The following DPM3 variants were observed in gnomAD, a reference collection of about 807,000 sequenced individuals.
The protein encoded by DPM3 is dolichyl-phosphate mannosyltransferase subunit 3, regulatory.
Under a neutral mutation model 8.9 loss-of-function variants are expected in DPM3, and 7 were observed. The ratio of observed to expected loss-of-function variants is 0.79; its 90% confidence interval spans 0.45 to 1.48. The LOEUF (loss-of-function observed/expected upper bound fraction) is 1.48. Ranked by LOEUF, DPM3 falls within the 40% of genes most tolerant of loss-of-function variation. The pLI, the probability that DPM3 is intolerant of heterozygous loss-of-function variation, is 0.01. For synonymous variants in DPM3, 41 were observed against 56.3 expected (o/e 0.73, Z 1.22); for missense variants, 108 against 116.2 (o/e 0.93, Z 0.33).
At position 155,140,129 on chromosome 1, in the gene DPM3, G is replaced by T. The variant is rs368529799; in HGVS notation, c.112C>A (p.Leu38Met). Reference protein sequence around the residue: ...LELPLSCQEVLWPLPAYLLVS... With the variant: ...LELPLSCQEVMWPLPAYLLVS... ...AGCAAGTAGGCGGGCAGTGGCCACAGGACTTCCTGGCAGGACAAGGGCAGC... is the reference window on the plus strand; with the variant it reads ...AGCAAGTAGGCGGGCAGTGGCCACATGACTTCCTGGCAGGACAAGGGCAGC... The change falls in exon 2 of 2, where the codon CTG (leucine) becomes ATG (methionine). Residue 38 changes from leucine to methionine, a missense_variant. Coordinates refer to ENST00000368400, the MANE Select transcript of DPM3 (RefSeq NM_153741.2). The T allele has an allele frequency of 6.2e-7, 1 of 1,614,154 alleles. No homozygotes were observed. The highest frequency in any genetic ancestry group is 8.5e-7 in the Non-Finnish European group (1 of 1,180,040).
In DPM3 at chr1:155,140,483, A is replaced by G; in HGVS notation, c.-6+8T>C. The G allele has an allele frequency of 4.4e-6, 3 of 684,976 alleles. No individual in the cohort carries two copies. Among genetic ancestry groups the G allele is most frequent in the Non-Finnish European group, 8.1e-6 (3 of 368,986 alleles). 42.4% of individuals were successfully genotyped at this position (684,976 alleles called of 1,614,324 possible). A position where few individuals can be genotyped will look rare whatever the true frequency, so the allele number is the denominator to read the frequency against. ...GCCCTCCCCATTCAGCCTTCAACCT[A>G]CACTTACCTCTACCCCACGTCTCCC... On this transcript the variant is annotated splice_region_variant and intron_variant, in intron 1 of 1. Coordinates refer to ENST00000368400, the MANE Select transcript of DPM3 (RefSeq NM_153741.2).
Position 155,140,516 on chromosome 1 carries a change from G to T in DPM3, c.-31C>A, listed in dbSNP as rs990135103. The T allele has an allele frequency of 1.8e-5, 11 of 627,292 alleles. No homozygotes were observed. Among genetic ancestry groups the T allele is most frequent in the Non-Finnish European group, 2.9e-5 (10 of 342,426 alleles). The allele number at this position is 627,292 out of a possible 1,614,324, so 38.9% of individuals were successfully genotyped here. A position where few individuals can be genotyped will look rare whatever the true frequency, so the allele number is the denominator to read the frequency against. ...CTCTACCCCACGTCTCCCCTTCCCC[G>T]CGCGGCCCGGATGTTGGCGTCCGGA... is the stretch of plus-strand genomic sequence containing the variant. On this transcript the variant is annotated 5_prime_UTR_variant, in exon 1 of 2. Transcript: ENST00000368400.
Position 155,140,119 on chromosome 1 carries a change from A to G in DPM3, c.122T>C (p.Leu41Pro). ...PLSCQEVLWP[L>P]PAYLLVSAGC... ...GGCGGACACCAGCAAGTAGGCGGGC[A>G]GTGGCCACAGGACTTCCTGGCAGGA... The change falls in exon 2 of 2, where the codon CTG becomes CCG. Residue 41 changes from leucine to proline, a missense_variant. Transcript: ENST00000368400. The G allele has an allele frequency of 6.2e-7, 1 of 1,614,174 alleles. No individual in the cohort carries two copies. Among genetic ancestry groups the G allele is most frequent in the Non-Finnish European group, 8.5e-7 (1 of 1,180,048 alleles).
rs1664697827 is a variant in DPM3 at position 155,140,050 on chromosome 1, A to G, written c.191T>C (p.Phe64Ser). Residue 64 changes from phenylalanine (F) to serine (S), a missense_variant, in exon 2 of 2, where the codon TTT becomes TCT. By Grantham distance (155) the Phe-to-Ser change is radical. Coordinates refer to ENST00000368400, the MANE Select transcript of DPM3 (RefSeq NM_153741.2). ...GCGTGCGGCGTCCTCGCAGTCATGA[A>G]AAGTGGCCACACGATAGCCCACAGT... Reference protein sequence around the residue: ...LGTVGYRVATFHDCEDAAREL... With the variant: ...LGTVGYRVATSHDCEDAAREL... 3.7e-6 allele frequency: 6 copies of G among 1,614,092 alleles called. No individual in the cohort carries two copies. Among genetic ancestry groups the G allele is most frequent in the Non-Finnish European group, 4.2e-6 (5 of 1,180,036 alleles).
chr1:155,140,153 G>C lies in DPM3; in HGVS notation c.88C>G (p.Leu30Val). ...AGGACTTCCTGGCAGGACAAGGGCA[G>C]CTCCAGGCCCAAGGCTCCCGTGGTC... Reference protein sequence around the residue: ...ALTTGALGLELPLSCQEVLWP... With the variant: ...ALTTGALGLEVPLSCQEVLWP... Residue 30 changes from leucine to valine, a missense_variant, in exon 2 of 2, where the codon CTG (leucine) becomes GTG (valine). Leu to Val is a conservative substitution (Grantham distance 32). Coordinates refer to ENST00000368400, the MANE Select transcript of DPM3 (RefSeq NM_153741.2). 6 of 1,614,172 alleles carry C rather than the reference G, an allele frequency of 3.7e-6. No homozygotes were observed. The highest frequency in any genetic ancestry group is 5.1e-6 in the Non-Finnish European group (6 of 1,180,036).
chr1:155,140,515 C>T lies in DPM3; in HGVS notation c.-30G>A. On this transcript the variant is annotated 5_prime_UTR_variant, in exon 1 of 2. Transcript: ENST00000368400. ...CCTCTACCCCACGTCTCCCCTTCCC[C>T]GCGCGGCCCGGATGTTGGCGTCCGG... 3.2e-6 allele frequency: 2 copies of T among 628,762 alleles called. No homozygotes were observed. The highest frequency in any genetic ancestry group is 1.8e-5 in the South Asian group (1 of 55,884). 38.9% of individuals were successfully genotyped at this position (628,762 alleles called of 1,614,324 possible). A position where few individuals can be genotyped will look rare whatever the true frequency, so the allele number is the denominator to read the frequency against.
rs922185869 is a variant in DPM3, at chr1:155,140,502, G to A, written c.-17C>T. ...CAACCTACACTTACCTCTACCCCAC[G>A]TCTCCCCTTCCCCGCGCGGCCCGGA... On this transcript the variant is annotated 5_prime_UTR_variant, in exon 1 of 2. In the 5' UTR this introduces an upstream ATG that the reference lacks. Coordinates refer to ENST00000368400, the MANE Select transcript of DPM3 (RefSeq NM_153741.2). 1.5e-6 allele frequency: 1 copy of A among 649,788 alleles called. No individual in the cohort carries two copies. The highest frequency in any genetic ancestry group is 2.8e-6 in the Non-Finnish European group (1 of 352,734). The allele number at this position is 649,788 out of a possible 1,614,324, so 40.3% of individuals were successfully genotyped here. A position where few individuals can be genotyped will look rare whatever the true frequency, so the allele number is the denominator to read the frequency against.
intron 1 of DPM3, 54 bp from the exon 2 acceptor site, chr1:155,140,299 A>G (rs764905012): frequency 1.3e-6 from 2 of 1,590,066 alleles, no homozygotes; most frequent in Admixed American, 1.8e-5. Flanking sequence ...AAAGCGGACC[A>G]AACTCAACCG....
At position 155,140,455 on chromosome 1, in the gene DPM3, C is replaced by T. The variant is rs1209699364; in HGVS notation, c.-6+36G>A. The T allele has an allele frequency of 1.0e-4, 71 of 710,916 alleles. No homozygotes were observed. The South Asian group carries it at 1.0e-3, about 10-fold the overall frequency. 44.0% of individuals were successfully genotyped at this position (710,916 alleles called of 1,614,324 possible). On this transcript the variant is annotated intron_variant, in intron 1 of 1. Coordinates refer to ENST00000368400, the MANE Select transcript of DPM3 (RefSeq NM_153741.2). The stretch of plus-strand genomic sequence containing the variant: ...TATATTTGAGACCCACTCCCCATCT[C>T]TCGCCCTCCCCATTCAGCCTTCAAC...
Position 155,139,930 on chromosome 1 carries a change from AG to A in DPM3, c.*31del. 14 of 1,571,154 alleles carry A rather than the reference AG, an allele frequency of 8.9e-6. No individual in the cohort carries two copies. The highest frequency in any genetic ancestry group is 1.2e-5 in the Non-Finnish European group (14 of 1,158,792). On this transcript the variant is annotated 3_prime_UTR_variant, in exon 2 of 2. Coordinates refer to ENST00000368400, the MANE Select transcript of DPM3 (RefSeq NM_153741.2). ...GGCTCTTTAATGGGAAATGGGAGGA[AG>A]GGCTGTCCGCACAGGAATGGGGTTA...
rs1332420744 is a variant in DPM3, at chr1:155,140,490, C to A, written c.-6+1G>T. On this transcript the variant is annotated splice_donor_variant, in intron 1 of 1. Transcript: ENST00000368400. LOFTEE classifies it low-confidence loss of function (5UTR_SPLICE). Reference sequence around the variant, plus strand: ...CCATTCAGCCTTCAACCTACACTTACCTCTACCCCACGTCTCCCCTTCCCC... The same window carrying A: ...CCATTCAGCCTTCAACCTACACTTAACTCTACCCCACGTCTCCCCTTCCCC... 12 of 671,724 alleles carry A rather than the reference C, an allele frequency of 1.8e-5. No individual in the cohort carries two copies. Among genetic ancestry groups the A allele is most frequent in the Non-Finnish European group, 2.5e-5 (9 of 362,526 alleles). 41.6% of individuals were successfully genotyped at this position (671,724 alleles called of 1,614,324 possible).
rs755494157 is a variant in DPM3 at position 155,139,985 on chromosome 1, C to A, written c.256G>T (p.Ala86Ser). 6.2e-7 allele frequency: 1 copy of A among 1,612,744 alleles called. No homozygotes were observed. Among genetic ancestry groups the A allele is most frequent in the Non-Finnish European group, 8.5e-7 (1 of 1,179,332 alleles). Residue 86 changes from alanine to serine, a missense_variant, in exon 2 of 2, where the codon GCC (alanine) becomes TCC (serine). By Grantham distance (99) the Ala-to-Ser change is moderately conservative. Coordinates refer to ENST00000368400, the MANE Select transcript of DPM3 (RefSeq NM_153741.2). The part of the protein sequence containing the change: ...SQIQEARADL[A>S]RRGLRF ...TGTCAGAAGCGCAGCCCCCTGCGGG[C>A]TAAGTCGGCTCGGGCCTCCTGTATC...
chr1:155,140,025 G>T lies in DPM3; in HGVS notation c.216C>A (p.Arg72=). 1.2e-6 allele frequency: 2 copies of T among 1,613,952 alleles called. No individual in the cohort carries two copies. Among genetic ancestry groups the T allele is most frequent in the Non-Finnish European group, 1.7e-6 (2 of 1,180,028 alleles). ...CCTCCTGTATCTGGCTCTGCAGCTC[G>T]CGTGCGGCGTCCTCGCAGTCATGAA... The part of the protein sequence containing the change: ...ATFHDCEDAA[R]ELQSQIQEAR... Residue 72 remains arginine (R), a synonymous_variant, in exon 2 of 2, where the codon CGC becomes CGA. Transcript: ENST00000368400.
In DPM3 at chr1:155,140,153, G is replaced by A. The variant is rs1241700130; in HGVS notation, c.88C>T (p.Leu30=). 6 of 1,614,172 alleles carry A rather than the reference G, an allele frequency of 3.7e-6. No individual in the cohort carries two copies. The East Asian group carries it at 1.1e-4, about 30-fold the overall frequency. ...AGGACTTCCTGGCAGGACAAGGGCA[G>A]CTCCAGGCCCAAGGCTCCCGTGGTC... ...ALTTGALGLE[L]PLSCQEVLWP... The change falls in exon 2 of 2, where the codon CTG becomes TTG. Residue 30 remains leucine, a synonymous_variant. Transcript: ENST00000368400.
At position 155,140,366 on chromosome 1, in the gene DPM3, C is replaced by T. The variant is rs566459400; in HGVS notation, c.-5-121G>A. 81 of 1,083,950 alleles carry T rather than the reference C, an allele frequency of 7.5e-5. 1 individual carries two copies. The highest frequency in any genetic ancestry group is 5.3e-5 in the Non-Finnish European group (38 of 718,310). The allele number at this position is 1,083,950 out of a possible 1,614,324, so 67.1% of individuals were successfully genotyped here. A position where few individuals can be genotyped will look rare whatever the true frequency, so the allele number is the denominator to read the frequency against. On this transcript the variant is annotated intron_variant, in intron 1 of 1. Transcript: ENST00000368400. ...CCTGGCCAGAGGGGAATCGCCGATC[C>T]CAGAGGTCCGAACTTGAGTGCCCAC...
chr1:155,140,358 C>A (rs1289399229), intron 1 of DPM3, 113 bp from the exon 2 acceptor site: 1 of 1,175,716 alleles, frequency 8.5e-7, no homozygotes. Context: ...AGAGGGGAAT[C>A]GCCGATCCCA....
rs1664718288 is a variant in DPM3, at chr1:155,140,526, G to C, written c.-41C>G. On this transcript the variant is annotated 5_prime_UTR_variant, in exon 1 of 2. The change creates a new upstream start codon in the 5' untranslated region. Coordinates refer to ENST00000368400, the MANE Select transcript of DPM3 (RefSeq NM_153741.2). ...CGTCTCCCCTTCCCCGCGCGGCCCG[G>C]ATGTTGGCGTCCGGAAGTCCTCCCT... The C allele has an allele frequency of 1.6e-6, 1 of 618,714 alleles. No homozygotes were observed. Among genetic ancestry groups the C allele is most frequent in the East Asian group, 2.8e-5 (1 of 35,938 alleles). 38.3% of individuals were successfully genotyped at this position (618,714 alleles called of 1,614,324 possible).
In DPM3 at chr1:155,140,508, C is replaced by A. The variant is rs979284366; in HGVS notation, c.-23G>T. ...ACACTTACCTCTACCCCACGTCTCCCCTTCCCCGCGCGGCCCGGATGTTGG... is the reference window on the plus strand; with the variant it reads ...ACACTTACCTCTACCCCACGTCTCCACTTCCCCGCGCGGCCCGGATGTTGG... On this transcript the variant is annotated 5_prime_UTR_variant, in exon 1 of 2. Coordinates refer to ENST00000368400, the MANE Select transcript of DPM3 (RefSeq NM_153741.2). 4.7e-6 allele frequency: 3 copies of A among 637,968 alleles called. No homozygotes were observed. The highest frequency in any genetic ancestry group is 1.8e-5 in the African/African-American group (1 of 54,674). The allele number at this position is 637,968 out of a possible 1,614,324, so 39.5% of individuals were successfully genotyped here.
Position 155,140,138 on chromosome 1 carries a change from G to A in DPM3, c.103C>T (p.Gln35Ter). The change falls in exon 2 of 2, where the codon CAG becomes TAG. Residue 35 changes from glutamine to a stop codon, truncating the protein, a stop_gained. Coordinates refer to ENST00000368400, the MANE Select transcript of DPM3 (RefSeq NM_153741.2). LOFTEE classifies it high-confidence loss of function. ...ALGLELPLSC[Q>*]EVLWPLPAYL... The stretch of plus-strand genomic sequence containing the variant: ...GCGGGCAGTGGCCACAGGACTTCCT[G>A]GCAGGACAAGGGCAGCTCCAGGCCC... 6.2e-7 allele frequency: 1 copy of A among 1,614,172 alleles called. No individual in the cohort carries two copies. The highest frequency in any genetic ancestry group is 8.5e-7 in the Non-Finnish European group (1 of 1,180,046).
Sources: gnomAD v4.1 joint callset for allele counts on GRCh38, gnomAD v4.1.1 for gene constraint, MANE v1.5 for transcripts, NCBI Gene and HGNC (gene_info 2026-07-23, HGNC 2026-07-21) for gene names.